Variants in FAM20C observed in about 807,000 individuals in gnomAD.
The protein encoded by FAM20C is FAM20C golgi associated secretory pathway kinase, also known as extracellular serine/threonine protein kinase FAM20C.
In FAM20C, 40 loss-of-function variants were observed where a neutral mutation model predicts 51.5. The ratio of observed to expected loss-of-function variants is 0.78; its 90% CI spans 0.60 to 1.01. The LOEUF is 1.01. Ranked by LOEUF, FAM20C falls within the 50% of genes least tolerant of loss-of-function variation. The pLI, the probability that FAM20C is intolerant of heterozygous loss-of-function variation, is 0.00. For missense variants in FAM20C, 861 were observed against 844.7 expected, an observed-to-expected ratio of 1.02 and a Z score of -0.24; for synonymous variants, 406 against 380.6, an observed-to-expected ratio of 1.07 and a Z score of -0.78.
At chr7:252,297 C>T (rs368027526) in intron 5 of FAM20C, among the ~76,000 whole-genome samples, 12 of 144,504 alleles carry the variant, frequency 8.3e-5, no homozygotes, top group South Asian at 2.3e-4. Flanking sequence ...GACACCCCCT[C>T]GGCCTCCCGA....
chr7:203,689 A>G (rs1463624635), intron 2 of FAM20C, among the ~76,000 whole-genome samples: 3 of 152,164 alleles, frequency 2.0e-5, no homozygotes, highest in Non-Finnish European at 4.4e-5. Flanking sequence ...TTTAATTTCT[A>G]ATTGTTTATT....
intron 3 of FAM20C, 148 bp from the exon 4 acceptor site, chr7:246,267 C>G (rs1020230160): frequency 3.2e-6 from 2 of 620,690 alleles, no homozygotes; most frequent in African/African-American, 4.0e-5. Context: ...AGCTGGGTGC[C>G]CAGGGTCCCG....
chr7:226,647 G>A (rs1190126125), intron 3 of FAM20C, among the ~76,000 whole-genome samples: 3 of 152,034 alleles, frequency 2.0e-5, no homozygotes, highest in Admixed American at 6.6e-5. Context: ...CACTGCCCAC[G>A]ACAGGCCCGA....
In FAM20C at chr7:258,012, TG is replaced by T. The variant is rs1289705782; in HGVS notation, c.1446-630del. On this transcript the variant is annotated intron_variant, in intron 8 of 9. Transcript: ENST00000313766. The stretch of plus-strand genomic sequence containing the variant: ...GACCCACTGCCTGGGGTGCTGGAGA[TG>T]GGGCTGGGTGGACCCACTGCCCGGG... 1.8e-3 allele frequency among the ~76,000 whole-genome samples: 66 copies of T among 36,024 alleles called. 4 individuals carry two copies. The highest frequency in any genetic ancestry group is 5.8e-3 in the African/African-American group (42 of 7,248). 23.6% of individuals were successfully genotyped at this position (36,024 alleles called of 152,430 possible). A position where few individuals can be genotyped will look rare whatever the true frequency, so the allele number is the denominator to read the frequency against.
rs113779698 is a variant in FAM20C at position 217,118 on chromosome 7, G to A, written c.863+8142G>A. Among the ~76,000 whole-genome samples, 123 of 152,278 alleles carry A rather than the reference G, an allele frequency of 8.1e-4. 2 individuals carry two copies. Among genetic ancestry groups the A allele is most frequent in the African/African-American group, 2.7e-3 (111 of 41,546 alleles). On this transcript the variant is annotated intron_variant, in intron 3 of 9. Coordinates refer to ENST00000313766, the MANE Select transcript of FAM20C (RefSeq NM_020223.4). Reference sequence around the variant, plus strand: ...GAAGGGGCCCAAGAGGAGGATGGCCGTCAGCGGCCCCCCAGGGGTGAGCAG... The same window carrying A: ...GAAGGGGCCCAAGAGGAGGATGGCCATCAGCGGCCCCCCAGGGGTGAGCAG...
chr7:242,373 G>A (rs1442227273), intron 3 of FAM20C, among the ~76,000 whole-genome samples: 1 of 152,202 alleles, frequency 6.6e-6, no homozygotes, highest in Non-Finnish European at 1.5e-5. Context: ...ACAGGGCAAG[G>A]GGCGTCCGCA....
intron 3 of FAM20C, among the ~76,000 whole-genome samples, chr7:209,981 C>T (rs73671769): frequency 0.011 from 1,611 of 152,316 alleles, 26 homozygotes; most frequent in African/African-American, 0.037. Context: ...CCCCCAAGAC[C>T]CACGAGTCCT....
rs1562401543 is a variant in FAM20C, at chr7:258,161, CAGGGTGGA to C, written c.1446-484_1446-477del. 2.4e-3 allele frequency among the ~76,000 whole-genome samples: 89 copies of C among 36,538 alleles called. 4 individuals carry two copies. The highest frequency in any genetic ancestry group is 8.9e-3 in the African/African-American group (77 of 8,652). The allele number at this position is 36,538 out of a possible 152,430, so 24.0% of individuals were successfully genotyped here. ...CACTGACTGGGGTGCTGGAGATAGG[CAGGGTGGA>C]CCCACTGCCTGAGGTGCTGGAGATA... On this transcript the variant is annotated intron_variant, in intron 8 of 9. Transcript: ENST00000313766.
intron 3 of FAM20C, among the ~76,000 whole-genome samples, chr7:216,977 G>A (rs939053745): frequency 1.6e-4 from 25 of 152,168 alleles, no homozygotes; most frequent in Non-Finnish European, 2.2e-4. Context: ...CACCCTGAAC[G>A]GCCTCATCCC....
rs148161040 is a variant in FAM20C at position 195,480 on chromosome 7, G to T, written c.606-74G>T. 1,558 of 1,325,756 alleles carry T rather than the reference G, an allele frequency of 1.2e-3. 19 individuals are homozygous for T. Among genetic ancestry groups the T allele is most frequent in the Non-Finnish European group, 3.2e-4 (329 of 1,025,024 alleles). The allele number at this position is 1,325,756 out of a possible 1,614,324, so 82.1% of individuals were successfully genotyped here. Reference sequence around the variant, plus strand: ...CCCAAAGTTAAAAACACTGGCGTCGGTGCCCTCTCCCCGTCATCCGACTCA... The same window carrying T: ...CCCAAAGTTAAAAACACTGGCGTCGTTGCCCTCTCCCCGTCATCCGACTCA... On this transcript the variant is annotated intron_variant, in intron 1 of 9. Transcript: ENST00000313766.
In FAM20C at chr7:195,704, C is replaced by T. The variant is rs745637661; in HGVS notation, c.756C>T (p.Asp252=). ...CGGCCATCGAGGCCCTGCTGCACGA[C>T]CTCAGCTCCCAGAGGATCACCAGCG... ...HNPAIEALLH[D]LSSQRITSVA... is the part of the protein sequence containing the mutation. Residue 252 remains aspartate (D), a synonymous_variant, in exon 2 of 10, where the codon GAC becomes GAT. Transcript: ENST00000313766. The T allele has an allele frequency of 1.8e-5, 29 of 1,609,236 alleles. No homozygotes were observed. The highest frequency in any genetic ancestry group is 6.7e-5 in the Admixed American group (4 of 59,754).
chr7:257,299 A>C (rs1438256279), intron 8 of FAM20C: 12 of 583,488 alleles, frequency 2.1e-5, no homozygotes, highest in Non-Finnish European at 3.3e-5. Context: ...TCCGAGGCAC[A>C]GGAATGCTGC....
In FAM20C at chr7:246,467, G is replaced by C; in HGVS notation, c.916G>C (p.Glu306Gln). The change falls in exon 4 of 10, where the codon GAG (glutamate) becomes CAG (glutamine). Residue 306 changes from glutamate to glutamine, a missense_variant. Physicochemically the swap from Glu to Gln is conservative, Grantham distance 29. Around this residue, in one of 3 missense-constraint regions of FAM20C, gnomAD observed 561 missense variants for 499.8 expected, o/e 1.12. Transcript: ENST00000313766. ...TGACTTTTTTTATTTCTCTGACTAC[G>C]AGAGGCACAATGCGGAGATTGCTGC... Reference protein sequence around the residue: ...PPDFFYFSDYERHNAEIAAFH... With the variant: ...PPDFFYFSDYQRHNAEIAAFH... The C allele has an allele frequency of 7.4e-7, 1 of 1,354,392 alleles. No homozygotes were observed. The highest frequency in any genetic ancestry group is 9.5e-7 in the Non-Finnish European group (1 of 1,052,588). The allele number at this position is 1,354,392 out of a possible 1,614,324, so 83.9% of individuals were successfully genotyped here. A position where few individuals can be genotyped will look rare whatever the true frequency, so the allele number is the denominator to read the frequency against.
intron 8 of FAM20C, among the ~76,000 whole-genome samples, chr7:258,358 CT>C: frequency 8.9e-6 from 1 of 112,094 alleles, no homozygotes; most frequent in African/African-American, 3.2e-5. Context: ...GACCCACTGC[CT>C]GAGGTGCTGG....
intron 3 of FAM20C, among the ~76,000 whole-genome samples, chr7:231,952 C>CTAA (rs1787707018): frequency 6.6e-6 from 1 of 152,204 alleles, no homozygotes; most frequent in African/African-American, 2.4e-5. Flanking sequence ...CCAGCACCCG[C>CTAA]CCCTGCCCAG....
intron 3 of FAM20C, among the ~76,000 whole-genome samples, chr7:234,352 C>T (rs931757025): frequency 1.3e-5 from 2 of 152,230 alleles, no homozygotes; most frequent in African/African-American, 4.8e-5. Flanking sequence ...GTCTTCCTTG[C>T]TGCCCACGAC....
chr7:194,225 G>A (rs1388070346), intron 1 of FAM20C: 6 of 169,458 alleles, frequency 3.5e-5, no homozygotes, highest in African/African-American at 1.4e-4. Flanking sequence ...TGCCTATTGA[G>A]TCTTTTAAAC....
At chr7:253,468 G>A (rs139026042) in intron 5 of FAM20C, among the ~76,000 whole-genome samples, 19 of 152,248 alleles carry the variant, frequency 1.2e-4, no homozygotes, top group Middle Eastern at 6.8e-3. Flanking sequence ...GGGTTTGTCC[G>A]CTACCCTGGC....
intron 3 of FAM20C, among the ~76,000 whole-genome samples, chr7:230,534 G>A (rs1299754633): frequency 6.6e-6 from 1 of 152,152 alleles, no homozygotes; most frequent in African/African-American, 2.4e-5. Flanking sequence ...GGGTGGCCGG[G>A]CCGTCTGGTC....
Sources: allele counts gnomAD v4.1 joint callset (sites outside exome capture counted in the v4.1 genomes callset), GRCh38; gene constraint gnomAD v4.1.1; regional missense constraint gnomAD v4.1.1; transcripts MANE v1.5; gene names NCBI Gene and HGNC (gene_info 2026-07-23, HGNC 2026-07-21).